PCDHGB4: variants seen among roughly 807,000 people sequenced by gnomAD.
The protein encoded by PCDHGB4 is protocadherin gamma-B4.
A neutral mutation model predicts 60.5 loss-of-function variants in PCDHGB4; 38 were observed. The observed-to-expected ratio is 0.63, with a 90% CI of 0.48 to 0.82. The LOEUF (loss-of-function observed/expected upper bound fraction) is 0.82, where lower values mean the gene tolerates loss of function less well. PCDHGB4 is among the 40% of genes least tolerant of loss of function. The pLI is 0.00. For synonymous variants in PCDHGB4, 456 were observed against 509.7 expected (o/e 0.89, Z 1.42); for missense variants, 1,109 against 1,209.6 (o/e 0.92, Z 1.23).
intron 1 of PCDHGB4, chr5:141,423,967 A>T (rs760284844): frequency 5.2e-6 from 6 of 1,153,616 alleles, no homozygotes; most frequent in Non-Finnish European, 6.5e-6. Context: ...TTTTTCTATT[A>T]TCAGTGTATG....
chr5:141,394,640 C>T (rs1316258017), intron 1 of PCDHGB4: 2 of 1,613,310 alleles, frequency 1.2e-6, no homozygotes, highest in Non-Finnish European at 1.7e-6. Flanking sequence ...ACCGCCTGCT[C>T]AAGGCCAGCG....
chr5:141,503,222 G>C (rs540244346), intron 2 of PCDHGB4, among the ~76,000 whole-genome samples: 1 of 152,120 alleles, frequency 6.6e-6, no homozygotes, highest in Middle Eastern at 3.4e-3. Context: ...CATGAGCACC[G>C]TAAAGATGGA....
chr5:141,494,801 C>T lies in PCDHGB4; in HGVS notation c.2398-6C>T, dbSNP rs2099757031. ...CTCAGCCCCTTTCCCTCTGTTTTCTCCACAGCAAGCCCCGCCCAACACGGA... is the reference window on the plus strand; with the variant it reads ...CTCAGCCCCTTTCCCTCTGTTTTCTTCACAGCAAGCCCCGCCCAACACGGA... On this transcript the variant is annotated splice_polypyrimidine_tract_variant and splice_region_variant and intron_variant, in intron 1 of 3. Transcript: ENST00000519479. The T allele has an allele frequency of 6.2e-7, 1 of 1,614,146 alleles. No individual in the cohort carries two copies. The highest frequency in any genetic ancestry group is 2.2e-5 in the East Asian group (1 of 44,880).
At position 141,450,006 on chromosome 5, in the gene PCDHGB4, C is replaced by CTTTTT. The variant is rs1554136305; in HGVS notation, c.2398-44787_2398-44783dup. ...CACATTGCATTTAGTTGCCATGTCTCTTTTTTTTTTTTTTTTTTGAGACAG... is the reference window on the plus strand; with the variant it reads ...CACATTGCATTTAGTTGCCATGTCTCTTTTTTTTTTTTTTTTTTTTTTTGAGACAG... On this transcript the variant is annotated intron_variant, in intron 1 of 3. Transcript: ENST00000519479. Among the ~76,000 whole-genome samples the CTTTTT allele has an allele frequency of 3.4e-4, 45 of 132,908 alleles. 3 individuals carry two copies. Among genetic ancestry groups the CTTTTT allele is most frequent in the South Asian group, 7.1e-4 (3 of 4,236 alleles). 87.2% of individuals were successfully genotyped at this position (132,908 alleles called of 152,430 possible).
At position 141,388,688 on chromosome 5, in the gene PCDHGB4, C is replaced by T; in HGVS notation, c.804C>T (p.Asp268=). Residue 268 remains aspartate, a synonymous_variant, in exon 1 of 4, where the codon GAC becomes GAT. Coordinates refer to ENST00000519479, the MANE Select transcript of PCDHGB4 (RefSeq NM_003736.4). ...GTTVLQVTAT[D]QDEGVNAEIT... ...CGGTGCTACAGGTGACTGCCACGGA[C>T]CAGGATGAGGGTGTCAATGCCGAGA... 6.2e-7 allele frequency: 1 copy of T among 1,613,970 alleles called. No individual in the cohort carries two copies. The highest frequency in any genetic ancestry group is 8.5e-7 in the Non-Finnish European group (1 of 1,179,872).
At chr5:141,394,434 C>T in intron 1 of PCDHGB4, 1 of 1,614,248 alleles carries the variant, frequency 6.2e-7, no homozygotes, top group South Asian at 1.1e-5. Context: ...CGGGGACCCG[C>T]CCCTCAGCAG....
At chr5:141,408,392 C>G in intron 1 of PCDHGB4, 1 of 1,614,002 alleles carries the variant, frequency 6.2e-7, no homozygotes, top group South Asian at 1.1e-5. Context: ...TGTGTCGGCT[C>G]GCAAGCTGCG....
chr5:141,503,418 A>G (rs1037754214), intron 2 of PCDHGB4, among the ~76,000 whole-genome samples: 1 of 151,528 alleles, frequency 6.6e-6, no homozygotes, highest in Admixed American at 6.6e-5. Context: ...AATATGGTGA[A>G]ACCCCATCTC....
rs749415234 is a variant in PCDHGB4 at position 141,419,462 on chromosome 5, C to G, written c.2397+29181C>G. 9 of 1,612,582 alleles carry G rather than the reference C, an allele frequency of 5.6e-6. 1 individual carries two copies. The highest frequency in any genetic ancestry group is 1.7e-5 in the Admixed American group (1 of 59,984). On this transcript the variant is annotated intron_variant, in intron 1 of 3. Transcript: ENST00000519479. ...CACCTTCGAGCTCACGCTGCAGGCC[C>G]GCGACCAGGGCTCGCCCGCGCTCAG... is the stretch of plus-strand genomic sequence containing the variant.
Position 141,390,029 on chromosome 5 carries a change from C to A in PCDHGB4, c.2145C>A (p.Arg715=). ...MILAIALRLR[R]SSSPASWSCF... is the part of the protein sequence containing the mutation. ...TGGCCATTGCCTTGCGCCTGCGACG[C>A]TCCTCCAGCCCCGCCTCCTGGAGCT... Residue 715 remains arginine (R), a synonymous_variant, in exon 1 of 4, where the codon CGC becomes CGA. Transcript: ENST00000519479. 6.2e-7 allele frequency: 1 copy of A among 1,614,086 alleles called. No homozygotes were observed. Among genetic ancestry groups the A allele is most frequent in the Non-Finnish European group, 8.5e-7 (1 of 1,179,910 alleles).
At chr5:141,483,273 T>G (rs6860615) in intron 1 of PCDHGB4, among the ~76,000 whole-genome samples, 62,442 of 151,936 alleles carry the variant, frequency 0.41, 15,417 homozygotes, top group African/African-American at 0.7. Flanking sequence ...GTTTTAGAAA[T>G]ATTATTCTGT....
chr5:141,418,273 A>C, intron 1 of PCDHGB4: 1 of 1,614,082 alleles, frequency 6.2e-7, no homozygotes, highest in South Asian at 1.1e-5. Context: ...AAGATGAAAT[A>C]AACTTAGAAA....
intron 1 of PCDHGB4, among the ~76,000 whole-genome samples, chr5:141,438,788 A>G (rs1024095720): frequency 3.3e-5 from 5 of 149,742 alleles, no homozygotes; most frequent in Non-Finnish European, 7.4e-5. Flanking sequence ...CAGCCTCTCC[A>G]GTAGCTGGGA....
intron 1 of PCDHGB4, among the ~76,000 whole-genome samples, chr5:141,457,005 A>T (rs2098903361): frequency 6.6e-6 from 1 of 152,146 alleles, no homozygotes; most frequent in Admixed American, 6.5e-5. Flanking sequence ...TGCATTACTA[A>T]ATCCAATAAA....
chr5:141,505,089 G>A (rs1562219081), intron 2 of PCDHGB4, among the ~76,000 whole-genome samples: 1 of 152,208 alleles, frequency 6.6e-6, no homozygotes, highest in Non-Finnish European at 1.5e-5. Context: ...TTGAACCCAG[G>A]AGGTGGATGT....
intron 1 of PCDHGB4, among the ~76,000 whole-genome samples, chr5:141,444,175 TTTTTTTTTTTTTTG>T (rs2098423325): frequency 7.6e-6 from 1 of 131,192 alleles, no homozygotes; most frequent in African/African-American, 3.0e-5. Flanking sequence ...TTTTTTTTTT[TTTTTTTTTTTTTTG>T]AGATGGAGTT....
intron 1 of PCDHGB4, chr5:141,441,837 G>A (rs952709777): frequency 2.8e-6 from 1 of 354,138 alleles, no homozygotes. Context: ...ATGGCTTCGC[G>A]CTCTTGGATA....
intron 1 of PCDHGB4, chr5:141,398,058 T>C (rs921277104): frequency 2.0e-6 from 3 of 1,525,504 alleles, no homozygotes; most frequent in African/African-American, 1.4e-5. Flanking sequence ...GATCCAAAAA[T>C]CTACAATACA....
chr5:141,486,421 G>A lies in PCDHGB4; in HGVS notation c.2398-8386G>A, dbSNP rs772631503. ...TGACTGCTGGACCCTTGGATCGAGA[G>A]GCCAAATCTAGCTATGACATCATGG... On this transcript the variant is annotated intron_variant, in intron 1 of 3. Coordinates refer to ENST00000519479, the MANE Select transcript of PCDHGB4 (RefSeq NM_003736.4). This position sits in a 1 kb window ranked among gnomAD's most constrained non-coding sequence, Gnocchi z 5.0. 2.5e-6 allele frequency: 4 copies of A among 1,614,152 alleles called. No homozygotes were observed. In the East Asian group the frequency reaches 6.7e-5, roughly 27 times the overall value.
Sources: allele counts gnomAD v4.1 joint callset (sites outside exome capture counted in the v4.1 genomes callset), GRCh38; gene constraint gnomAD v4.1.1; non-coding constraint Gnocchi (gnomAD v3.1); transcripts MANE v1.5; gene names NCBI Gene and HGNC (gene_info 2026-07-23, HGNC 2026-07-21).